Variants in CHAT observed in about 807,000 individuals in gnomAD.
The protein encoded by CHAT is acetyl CoA:choline O-acetyltransferase.
In CHAT, 61 loss-of-function variants were observed where a neutral mutation model predicts 76.9. The observed-to-expected ratio is 0.79, with a 90% CI of 0.65 to 0.98. The LOEUF (loss-of-function observed/expected upper bound fraction) is 0.98. Ranked by LOEUF, CHAT falls within the 50% of genes least tolerant of loss-of-function variation. The pLI is 0.00. For missense variants in CHAT, 946 were observed against 986.9 expected, an observed-to-expected ratio of 0.96 and a Z score of 0.56; for synonymous variants, 407 against 397.4, an observed-to-expected ratio of 1.02 and a Z score of -0.29.
intron 6 of CHAT, 97 bp from the exon 7 acceptor site, chr10:49,627,487 AAACACCTTGGGAACCTTGGGCCTG>A (rs1398876624): frequency 9.6e-7 from 1 of 1,043,774 alleles, no homozygotes. Context: ...TAGAACCACC[AAACACCTTGGGAACCTTGGGCCTG>A]AGCATCCCTG....
In CHAT at chr10:49,648,518, C is replaced by T; in HGVS notation, c.1293C>T (p.Gly431=). Residue 431 remains glycine (G), a synonymous_variant, in exon 9 of 15, where the codon GGC becomes GGT. Transcript: ENST00000337653. ...CTTTCCTGTTGCAGTTTGTGGTGGG[C>T]CGAGACGGCACCTGCGGTGTGGTGT... is the stretch of plus-strand genomic sequence containing the variant. ...WYDKSLQFVV[G]RDGTCGVVCE... The T allele has an allele frequency of 1.2e-6, 2 of 1,613,692 alleles. No individual in the cohort carries two copies. The highest frequency in any genetic ancestry group is 1.7e-6 in the Non-Finnish European group (2 of 1,179,742).
chr10:49,644,181 G>C (rs557176286), intron 7 of CHAT, among the ~76,000 whole-genome samples: 1 of 152,342 alleles, frequency 6.6e-6, no homozygotes, highest in East Asian at 1.9e-4. Context: ...CATAGACAGA[G>C]GAGGAGAAGG....
intron 7 of CHAT, among the ~76,000 whole-genome samples, chr10:49,640,762 T>C (rs1380488082): frequency 2.0e-5 from 3 of 152,224 alleles, no homozygotes; most frequent in African/African-American, 7.2e-5. Flanking sequence ...TTGGCTGAAG[T>C]AGAACGCTTA....
chr10:49,645,977 A>G (rs1210159555), intron 7 of CHAT, among the ~76,000 whole-genome samples: 1 of 152,194 alleles, frequency 6.6e-6, no homozygotes, highest in Non-Finnish European at 1.5e-5. Flanking sequence ...GAGGTGACCA[A>G]TACACTTCCT....
At chr10:49,618,002 T>A (rs1838561325) in intron 2 of CHAT, among the ~76,000 whole-genome samples, 1 of 152,150 alleles carries the variant, frequency 6.6e-6, no homozygotes, top group African/African-American at 2.4e-5. Context: ...AGGGGCCCAT[T>A]CACTCTGCAG....
intron 9 of CHAT, 144 bp from the exon 10 acceptor site, chr10:49,649,364 A>G (rs1260841989): frequency 1.8e-6 from 2 of 1,126,008 alleles, no homozygotes; most frequent in Non-Finnish European, 2.6e-6. Flanking sequence ...ATTCATCTGC[A>G]CGGTGGTTCA....
intron 7 of CHAT, among the ~76,000 whole-genome samples, chr10:49,643,549 A>G (rs1220774145): frequency 6.6e-6 from 1 of 152,182 alleles, no homozygotes; most frequent in Non-Finnish European, 1.5e-5. Context: ...CACTATGGCC[A>G]TCTGCAGGGA....
At chr10:49,609,356 T>G (rs1838230048), upstream of CHAT, among the ~76,000 whole-genome samples, 1 of 150,224 alleles carries the variant, frequency 6.7e-6, no homozygotes, top group African/African-American at 2.5e-5. Flanking sequence ...CTCTGGAAAA[T>G]GAGGGATGGG....
At chr10:49,649,658 T>G (rs919974626) in intron 10 of CHAT, 22 bp downstream of exon 10, 2 of 1,613,408 alleles carry the variant, frequency 1.2e-6, no homozygotes, top group Middle Eastern at 1.6e-4. Flanking sequence ...CGAAGTCTCC[T>G]TTGAGGGGTC....
At chr10:49,611,576 G>A (rs375210693), upstream of CHAT, 3 of 1,607,984 alleles carry the variant, frequency 1.9e-6, no homozygotes, top group African/African-American at 4.0e-5. Flanking sequence ...CTGCCAGTGG[G>A]CACTCCCATC....
chr10:49,616,827 G>A (rs917763264), intron 2 of CHAT, among the ~76,000 whole-genome samples: 3 of 152,192 alleles, frequency 2.0e-5, no homozygotes, highest in Non-Finnish European at 4.4e-5. Flanking sequence ...AATGCTAAGA[G>A]CTTAACTTCC....
intron 8 of CHAT, among the ~76,000 whole-genome samples, chr10:49,647,514 G>A (rs911888152): frequency 1.2e-4 from 19 of 152,126 alleles, no homozygotes; most frequent in Non-Finnish European, 2.6e-4. Context: ...ACAACACCTC[G>A]TTTTCCTTTC....
intron 1 of CHAT, chr10:49,615,676 A>C: frequency 7.1e-6 from 2 of 282,062 alleles, no homozygotes; most frequent in Non-Finnish European, 6.6e-6. Flanking sequence ...CTCAGAGGGT[A>C]GCAATTGTGA....
chr10:49,632,232 G>A lies in CHAT; in HGVS notation c.1111+4447G>A, dbSNP rs117375470. Among the ~76,000 whole-genome samples the A allele has an allele frequency of 2.6e-3, 401 of 152,280 alleles. 2 individuals are homozygous for A. Among genetic ancestry groups the A allele is most frequent in the Non-Finnish European group, 3.3e-3 (222 of 68,004 alleles). ...GTTTAGCCATGCAGGGGAATGGCCC[G>A]TCTGAGACAGGCATGAAGCGCTCCA... On this transcript the variant is annotated intron_variant, in intron 7 of 14. Transcript: ENST00000337653.
rs199999433 is a variant in CHAT at position 49,622,061 on chromosome 10, T to C, written c.699-36T>C. ...GGGAGGGAGGGAGGAAGCCAGGCCCTGGGAGGAAGGGCTCAGGCCTCCCTT... is the reference window on the plus strand; with the variant it reads ...GGGAGGGAGGGAGGAAGCCAGGCCCCGGGAGGAAGGGCTCAGGCCTCCCTT... On this transcript the variant is annotated intron_variant, in intron 4 of 14. Transcript: ENST00000337653. The C allele has an allele frequency of 4.9e-5, 40 of 822,422 alleles. No individual in the cohort carries two copies. The African/African-American group carries it at 2.0e-3, about 41-fold the overall frequency. 50.9% of individuals were successfully genotyped at this position (822,422 alleles called of 1,614,324 possible).
At chr10:49,626,904 AC>A (rs1264240730) in intron 6 of CHAT, among the ~76,000 whole-genome samples, 1 of 152,262 alleles carries the variant, frequency 6.6e-6, no homozygotes, top group Non-Finnish European at 1.5e-5. Flanking sequence ...GTGAAGGTGC[AC>A]ACACATGCAC....
chr10:49,663,279 A>C (rs1840255011), intron 14 of CHAT, among the ~76,000 whole-genome samples: 1 of 152,172 alleles, frequency 6.6e-6, no homozygotes, highest in Non-Finnish European at 1.5e-5. Context: ...AAATGGGAGT[A>C]ATCAGCAGAC....
upstream of CHAT, chr10:49,610,674 C>T (rs1838264545): frequency 1.4e-6 from 2 of 1,429,448 alleles, no homozygotes; most frequent in African/African-American, 2.9e-5. Context: ...GCCCTCGCCT[C>T]TGCACTGCGG....
intron 7 of CHAT, among the ~76,000 whole-genome samples, chr10:49,637,094 C>A (rs13376736): frequency 6.6e-6 from 1 of 151,144 alleles, no homozygotes; most frequent in East Asian, 1.9e-4. Flanking sequence ...AAAATAACTA[C>A]CTTTCTTTTT....
Sources: allele counts gnomAD v4.1 joint callset (sites outside exome capture counted in the v4.1 genomes callset), GRCh38; gene constraint gnomAD v4.1.1; transcripts MANE v1.5; gene names NCBI Gene and HGNC (gene_info 2026-07-23, HGNC 2026-07-21).